The following FSTL5 variants were observed in gnomAD, a reference collection of about 807,000 sequenced individuals.
FSTL5 encodes follistatin-related protein 5.
FSTL5 carries 62 observed loss-of-function variants against 89.1 expected under a neutral mutation model. The ratio of observed to expected loss-of-function variants is 0.70; its 90% confidence interval spans 0.57 to 0.86. The LOEUF is 0.86. Ranked by LOEUF, FSTL5 falls within the 40% of genes least tolerant of loss-of-function variation. The pLI, the probability that FSTL5 is intolerant of heterozygous loss-of-function variation, is 0.00. For missense variants in FSTL5, 1,057 were observed against 1,001.6 expected (o/e 1.06, Z -0.75); for synonymous variants, 383 against 346.2 (o/e 1.11, Z -1.18).
At chr4:161,517,961 T>C (rs1029028944) in intron 10 of FSTL5, among the ~76,000 whole-genome samples, 2 of 152,208 alleles carry the variant, frequency 1.3e-5, no homozygotes, top group Admixed American at 1.3e-4. Context: ...TTATGGTTAG[T>C]TCTATGGTAG....
At chr4:161,947,863 GTCTT>G (rs1734778193) in intron 3 of FSTL5, among the ~76,000 whole-genome samples, 1 of 152,062 alleles carries the variant, frequency 6.6e-6, no homozygotes, top group East Asian at 1.9e-4. Context: ...GATTTGGTGT[GTCTT>G]TCTATTTATT....
intron 15 of FSTL5, among the ~76,000 whole-genome samples, chr4:161,389,376 T>C (rs1245170991): frequency 6.6e-6 from 1 of 152,142 alleles, no homozygotes; most frequent in Non-Finnish European, 1.5e-5. Context: ...CAGCATAGCA[T>C]GGTATGGATT....
intron 2 of FSTL5, among the ~76,000 whole-genome samples, chr4:162,109,609 C>G (rs1319526694): frequency 1.3e-5 from 2 of 152,014 alleles, no homozygotes; most frequent in African/African-American, 4.8e-5. Context: ...AACCTCAACA[C>G]ATAAGTTTTT....
intron 3 of FSTL5, among the ~76,000 whole-genome samples, chr4:161,939,160 A>C (rs544394474): frequency 1.3e-5 from 2 of 152,062 alleles, no homozygotes; most frequent in Middle Eastern, 6.8e-3. Context: ...ACTACATGCC[A>C]CTATTTTCTA....
rs1190567285 is a variant in FSTL5 at position 161,542,683 on chromosome 4, G to A, written c.1026C>T (p.Val342=). Residue 342 remains valine (V), a synonymous_variant, in exon 9 of 16, where the codon GTC becomes GTT. Coordinates refer to ENST00000306100, the MANE Select transcript of FSTL5 (RefSeq NM_020116.5). The part of the protein sequence containing the change: ...THIFQVNVPP[V]IRVYPESQAR... ...CCTGACTCTCTGGATACACCCGGAT[G>A]ACTGGAGGAACTAAAGGAAAAAATG... 2.0e-6 allele frequency: 3 copies of A among 1,466,522 alleles called. No individual in the cohort carries two copies. The highest frequency in any genetic ancestry group is 2.5e-5 in the East Asian group (1 of 39,226). 90.8% of individuals were successfully genotyped at this position (1,466,522 alleles called of 1,614,324 possible).
In FSTL5 at chr4:161,601,329, GAAAAAAAAAA is replaced by G. The variant is rs35261391; in HGVS notation, c.895-13764_895-13755del. ...AGTGACACAAAGTCTTAAATAGTTGGAAAAAAAAAAAAAAAAAAAAAGGCAGCCAATCCTG... is the reference window on the plus strand; with the variant it reads ...AGTGACACAAAGTCTTAAATAGTTGGAAAAAAAAAAAGGCAGCCAATCCTG... On this transcript the variant is annotated intron_variant, in intron 7 of 15. Transcript: ENST00000306100. 3.7e-5 allele frequency among the ~76,000 whole-genome samples: 4 copies of G among 107,566 alleles called. No individual in the cohort carries two copies. The Admixed American group carries it at 3.9e-4, about 11-fold the overall frequency. 70.6% of individuals were successfully genotyped at this position (107,566 alleles called of 152,430 possible).
rs147155249 is a variant in FSTL5, at chr4:161,654,282, A to C, written c.894+2046T>G. On this transcript the variant is annotated intron_variant, in intron 7 of 15. Coordinates refer to ENST00000306100, the MANE Select transcript of FSTL5 (RefSeq NM_020116.5). ...CTTGAAATAATTTAAATGAGTTTAC[A>C]ATGATGGTTTTCAGACCACAGCACC... Among the ~76,000 whole-genome samples, 378 of 152,292 alleles carry C rather than the reference A, an allele frequency of 2.5e-3. 4 individuals carry two copies. The Middle Eastern group carries it at 0.051, about 21-fold the overall frequency.
intron 7 of FSTL5, among the ~76,000 whole-genome samples, chr4:161,626,220 T>C (rs1009209780): frequency 2.6e-5 from 4 of 152,102 alleles, no homozygotes; most frequent in African/African-American, 9.7e-5. Flanking sequence ...TTAGGACTTG[T>C]AGTTAGAGAG....
chr4:162,118,574 T>C (rs1020055176), intron 1 of FSTL5, among the ~76,000 whole-genome samples: 1 of 152,204 alleles, frequency 6.6e-6, no homozygotes, highest in African/African-American at 2.4e-5. Context: ...GAGCAATGGA[T>C]TCCCTCTTTC....
At chr4:161,557,216 C>G (rs1732425357) in intron 8 of FSTL5, among the ~76,000 whole-genome samples, 1 of 151,212 alleles carries the variant, frequency 6.6e-6, no homozygotes, top group Non-Finnish European at 1.5e-5. Flanking sequence ...AAAGAGCAGC[C>G]TTAAAAATTA....
At chr4:161,404,131 C>T (rs1047048154) in intron 15 of FSTL5, among the ~76,000 whole-genome samples, 1 of 152,102 alleles carries the variant, frequency 6.6e-6, no homozygotes, top group African/African-American at 2.4e-5. Context: ...AGTAATAATG[C>T]AAGGTGCTTG....
chr4:161,534,864 T>G (rs1243518885), intron 10 of FSTL5, among the ~76,000 whole-genome samples: 1 of 151,892 alleles, frequency 6.6e-6, no homozygotes, highest in Non-Finnish European at 1.5e-5. Context: ...GGTACTGGTA[T>G]AAAAACAGAC....
chr4:161,935,762 T>G (rs1734415218), intron 3 of FSTL5, among the ~76,000 whole-genome samples: 1 of 152,194 alleles, frequency 6.6e-6, no homozygotes, highest in Non-Finnish European at 1.5e-5. Context: ...TAACAGATTT[T>G]CTTCCTTGAC....
chr4:161,476,181 T>G (rs1305984760), intron 13 of FSTL5, among the ~76,000 whole-genome samples: 4 of 117,848 alleles, frequency 3.4e-5, no homozygotes, highest in Non-Finnish European at 5.0e-5. Flanking sequence ...TGGTTTTTTT[T>G]TTTTTTTGTT....
chr4:161,726,011 C>T (rs1739389213), intron 6 of FSTL5, among the ~76,000 whole-genome samples: 1 of 152,002 alleles, frequency 6.6e-6, no homozygotes, highest in African/African-American at 2.4e-5. Context: ...GAAAGAGGAA[C>T]GCTAATTGGT....
At chr4:161,833,078 G>T (rs1186346782) in intron 4 of FSTL5, among the ~76,000 whole-genome samples, 1 of 150,744 alleles carries the variant, frequency 6.6e-6, no homozygotes, top group Non-Finnish European at 1.5e-5. Flanking sequence ...CTGGTATGTT[G>T]TGTCTTTGTT....
At chr4:161,518,062 T>C (rs1730902255) in intron 10 of FSTL5, among the ~76,000 whole-genome samples, 2 of 152,192 alleles carry the variant, frequency 1.3e-5, no homozygotes, top group South Asian at 2.1e-4. Context: ...ATATGTCAAG[T>C]ACATTGCCGG....
intron 4 of FSTL5, among the ~76,000 whole-genome samples, chr4:161,810,104 C>A (rs1263831697): frequency 6.6e-6 from 1 of 151,626 alleles, no homozygotes; most frequent in Non-Finnish European, 1.5e-5. Context: ...GTTATATGAA[C>A]CTGTAGTTGT....
chr4:161,399,948 T>G (rs750155845), intron 15 of FSTL5, among the ~76,000 whole-genome samples: 4 of 152,162 alleles, frequency 2.6e-5, no homozygotes, highest in Non-Finnish European at 5.9e-5. Context: ...TAAGCGATTG[T>G]GTGAATAAGT....
Sources: allele counts gnomAD v4.1 joint callset (sites outside exome capture counted in the v4.1 genomes callset), GRCh38; gene constraint gnomAD v4.1.1; transcripts MANE v1.5; gene names NCBI Gene and HGNC (gene_info 2026-07-23, HGNC 2026-07-21).